PTPRD: variants seen among roughly 807,000 people sequenced by gnomAD.
PTPRD encodes the protein receptor-type tyrosine-protein phosphatase delta.
Under a neutral mutation model 214.5 loss-of-function variants are expected in PTPRD, and 34 were observed. That is an observed-to-expected ratio of 0.16 (90% CI 0.12 to 0.21). The LOEUF (loss-of-function observed/expected upper bound fraction) is 0.21, where lower values mean the gene tolerates loss of function less well. Among genes scored for constraint, PTPRD ranks in the 10% least tolerant of loss-of-function variants. PTPRD has a pLI of 1.00. For synonymous variants in PTPRD, 1,128 were observed against 845.7 expected, an observed-to-expected ratio of 1.33 and a Z score of -5.79; for missense variants, 2,545 against 2,398.7, an observed-to-expected ratio of 1.06 and a Z score of -1.27.
intron 9 of PTPRD, among the ~76,000 whole-genome samples, chr9:9,277,257 A>G (rs1946008379): frequency 6.6e-6 from 1 of 151,362 alleles, no homozygotes; most frequent in African/African-American, 2.4e-5. Context: ...TTCTTTCTCT[A>G]CCAGTTCATT....
At chr9:9,475,543 T>C (rs769981983) in intron 8 of PTPRD, among the ~76,000 whole-genome samples, 14 of 152,186 alleles carry the variant, frequency 9.2e-5, no homozygotes, top group Non-Finnish European at 1.9e-4. Context: ...CATGGATCAA[T>C]CAATGTCATC....
At chr9:10,357,367 C>T (rs968359402) in intron 2 of PTPRD, among the ~76,000 whole-genome samples, 1 of 152,140 alleles carries the variant, frequency 6.6e-6, no homozygotes, top group Non-Finnish European at 1.5e-5. Flanking sequence ...TAATAATTGG[C>T]ACTATTATTC....
chr9:8,804,660 C>A (rs1175126086), intron 11 of PTPRD, among the ~76,000 whole-genome samples: 2 of 138,264 alleles, frequency 1.4e-5, no homozygotes, highest in Admixed American at 1.5e-4. Context: ...TATCTCCTAA[C>A]TGGAGAAACG....
At chr9:10,026,533 C>T (rs970272391) in intron 4 of PTPRD, among the ~76,000 whole-genome samples, 3 of 152,074 alleles carry the variant, frequency 2.0e-5, no homozygotes, top group African/African-American at 7.2e-5. Context: ...CAACGATGGA[C>T]AAAAAATAAT....
chr9:8,886,814 A>C (rs1479626745), intron 11 of PTPRD, among the ~76,000 whole-genome samples: 11 of 152,156 alleles, frequency 7.2e-5, no homozygotes, highest in Admixed American at 7.2e-4. Context: ...TAAAAACTCT[A>C]ATTATACATT....
At chr9:10,154,571 T>C (rs950625419) in intron 3 of PTPRD, among the ~76,000 whole-genome samples, 1 of 152,186 alleles carries the variant, frequency 6.6e-6, no homozygotes, top group Non-Finnish European at 1.5e-5. Context: ...GCCTAGGTTG[T>C]CTTCCAGAGT....
intron 8 of PTPRD, among the ~76,000 whole-genome samples, chr9:9,412,942 G>C (rs1371548232): frequency 6.6e-6 from 1 of 151,986 alleles, no homozygotes; most frequent in Non-Finnish European, 1.5e-5. Flanking sequence ...AAGATCAATG[G>C]AGGGATATAG....
intron 11 of PTPRD, among the ~76,000 whole-genome samples, chr9:8,805,285 G>A (rs373118244): frequency 1.3e-5 from 2 of 152,224 alleles, no homozygotes; most frequent in East Asian, 3.9e-4. Flanking sequence ...CACAAAGCAA[G>A]TTGGAGCTGC....
intron 9 of PTPRD, among the ~76,000 whole-genome samples, chr9:9,359,465 T>C (rs540020901): frequency 3.3e-5 from 5 of 151,436 alleles, no homozygotes; most frequent in African/African-American, 1.2e-4. Flanking sequence ...TCTGTCCTGA[T>C]CTTCATAAAA....
chr9:9,225,937 C>G (rs547948101), intron 9 of PTPRD, among the ~76,000 whole-genome samples: 3 of 152,110 alleles, frequency 2.0e-5, no homozygotes, highest in African/African-American at 7.2e-5. Flanking sequence ...CAAGCCCAGA[C>G]AGCAGCAGGA....
intron 2 of PTPRD, among the ~76,000 whole-genome samples, chr9:10,502,889 T>A (rs1244406187): frequency 2.6e-5 from 4 of 152,040 alleles, no homozygotes; most frequent in Non-Finnish European, 4.4e-5. Context: ...TCTAAAACAT[T>A]CTAACATATT....
At chr9:8,802,453 G>A (rs964401719) in intron 11 of PTPRD, among the ~76,000 whole-genome samples, 3 of 152,104 alleles carry the variant, frequency 2.0e-5, no homozygotes, top group Non-Finnish European at 4.4e-5. Flanking sequence ...GACGCTCCCT[G>A]CCCTAAAGGC....
intron 3 of PTPRD, among the ~76,000 whole-genome samples, chr9:10,083,074 A>C (rs1367935679): frequency 6.6e-6 from 1 of 151,418 alleles, no homozygotes; most frequent in African/African-American, 2.4e-5. Flanking sequence ...TCTATAATGC[A>C]TTTTTCCTTC....
At chr9:9,672,905 T>C (rs1330985493) in intron 7 of PTPRD, among the ~76,000 whole-genome samples, 2 of 152,062 alleles carry the variant, frequency 1.3e-5, no homozygotes, top group African/African-American at 4.8e-5. Flanking sequence ...ATTAATGCAT[T>C]TGTATTCATT....
At chr9:9,837,233 G>T (rs1180379535) in intron 5 of PTPRD, among the ~76,000 whole-genome samples, 1 of 152,052 alleles carries the variant, frequency 6.6e-6, no homozygotes. Flanking sequence ...GAAAAGAAAT[G>T]GGCATCATCC....
At chr9:9,737,114 T>C (rs1401286499) in intron 6 of PTPRD, among the ~76,000 whole-genome samples, 1 of 152,100 alleles carries the variant, frequency 6.6e-6, no homozygotes, top group Non-Finnish European at 1.5e-5. Flanking sequence ...ATTTCATTAT[T>C]TTTCCAAATT....
chr9:9,175,832 T>C (rs898738362), intron 10 of PTPRD, among the ~76,000 whole-genome samples: 7 of 151,940 alleles, frequency 4.6e-5, no homozygotes, highest in South Asian at 2.1e-4. Context: ...ATTTGGAAAA[T>C]GGGTCATCGA....
intron 8 of PTPRD, among the ~76,000 whole-genome samples, chr9:9,566,070 C>T (rs368584226): frequency 1.3e-5 from 2 of 151,570 alleles, no homozygotes; most frequent in Middle Eastern, 3.2e-3. Flanking sequence ...TTAGGGCTTG[C>T]TTTTTTATTC....
chr9:10,503,981 T>C (rs1317326138), intron 2 of PTPRD, among the ~76,000 whole-genome samples: 1 of 150,864 alleles, frequency 6.6e-6, no homozygotes, highest in Non-Finnish European at 1.5e-5. Flanking sequence ...CCGGGCGTGG[T>C]GGCGGGCGCC....
Sources: allele counts gnomAD v4.1 joint callset (sites outside exome capture counted in the v4.1 genomes callset), GRCh38; gene constraint gnomAD v4.1.1; transcripts MANE v1.5; gene names NCBI Gene and HGNC (gene_info 2026-07-23, HGNC 2026-07-21).